TBKBP1: variants seen among roughly 807,000 people sequenced by gnomAD.
The protein encoded by TBKBP1 is TBK1 binding protein 1, also known as TANK-binding kinase 1-binding protein 1.
In TBKBP1, 47 loss-of-function variants were observed where a neutral mutation model predicts 69.9. The ratio of observed to expected loss-of-function variants is 0.67; its 90% CI spans 0.53 to 0.86. The LOEUF is 0.86. Among genes scored for constraint, TBKBP1 ranks in the 40% least tolerant of loss-of-function variants. The pLI is 0.00. For missense variants in TBKBP1, 831 were observed against 858.6 expected (o/e 0.97, Z 0.40); for synonymous variants, 418 against 390.3 (o/e 1.07, Z -0.84).
In TBKBP1 at chr17:47,708,833, TC is replaced by T; in HGVS notation, c.1105del (p.Gln369SerfsTer84). The T allele has an allele frequency of 9.2e-7, 1 of 1,092,118 alleles. No individual in the cohort carries two copies. The highest frequency in any genetic ancestry group is 1.6e-5 in the South Asian group (1 of 62,842). 67.7% of individuals were successfully genotyped at this position (1,092,118 alleles called of 1,614,324 possible). A position where few individuals can be genotyped will look rare whatever the true frequency, so the allele number is the denominator to read the frequency against. On this transcript the variant is annotated frameshift_variant, in exon 9 of 10. Coordinates refer to ENST00000578982, the MANE Select transcript of TBKBP1 (RefSeq NM_001394755.1). LOFTEE classifies it high-confidence loss of function. This position sits in a 1 kb window ranked among gnomAD's most constrained non-coding sequence, Gnocchi z 4.4. ...CCGTGCCCCCCGTGCCAGTCCCCCG[TC>T]CCCCAGCGCCGCTCTCCCGTGCCCC... ...APPCPPCQSP[V>X]PQRRSPVPPC...
At position 47,697,199 on chromosome 17, in the gene TBKBP1, G is replaced by T. The variant is rs2031284481; in HGVS notation, c.453+6G>T. 1.2e-6 allele frequency: 2 copies of T among 1,610,054 alleles called. No homozygotes were observed. Among genetic ancestry groups the T allele is most frequent in the African/African-American group, 1.3e-5 (1 of 74,904 alleles). ...AGACAGAGCTGAGGGAGATGGTGAG[G>T]CCTGGGGAGCCGGAGGTGCTTGAGG... is the stretch of plus-strand genomic sequence containing the variant. On this transcript the variant is annotated splice_donor_region_variant and intron_variant, in intron 4 of 9. Coordinates refer to ENST00000578982, the MANE Select transcript of TBKBP1 (RefSeq NM_001394755.1).
At chr17:47,699,594 A>G (rs1038043670) in intron 6 of TBKBP1, 42 bp from the exon 7 acceptor site, 3 of 1,613,980 alleles carry the variant, frequency 1.9e-6, no homozygotes, top group Non-Finnish European at 2.5e-6. Flanking sequence ...GGGCCCTGGC[A>G]GGGGTGAGCT....
Position 47,696,247 on chromosome 17 carries a change from C to T in TBKBP1, c.135C>T (p.Ile45=), listed in dbSNP as rs773729323. 1 of 1,613,732 alleles carries T rather than the reference C, an allele frequency of 6.2e-7. No individual in the cohort carries two copies. Among genetic ancestry groups the T allele is most frequent in the Non-Finnish European group, 8.5e-7 (1 of 1,179,860 alleles). The change falls in exon 2 of 10, where the codon ATC becomes ATT. Residue 45 remains isoleucine, a synonymous_variant. Coordinates refer to ENST00000578982, the MANE Select transcript of TBKBP1 (RefSeq NM_001394755.1). ...DMCSASHFAL[I]TAYGDIKERL... ...GCTCCGCCTCCCACTTTGCCCTCAT[C>T]ACTGCTTACGGAGACATCAAGGAAC...
intron 4 of TBKBP1, among the ~76,000 whole-genome samples, chr17:47,697,917 C>G (rs1406375331): frequency 6.8e-6 from 1 of 147,572 alleles, no homozygotes; most frequent in Non-Finnish European, 1.5e-5. Context: ...CCACTGCACT[C>G]CAGCCTGGGT....
chr17:47,699,815 G>T, intron 7 of TBKBP1, 118 bp downstream of exon 7: 3 of 1,149,210 alleles, frequency 2.6e-6, no homozygotes, highest in South Asian at 1.4e-5. Context: ...ATAGGAAGGA[G>T]GTGGGGTTCT....
chr17:47,701,474 C>G (rs1353564243), intron 7 of TBKBP1, among the ~76,000 whole-genome samples: 1 of 152,160 alleles, frequency 6.6e-6, no homozygotes, highest in Non-Finnish European at 1.5e-5. Context: ...TCCCCTCTTA[C>G]CAGACCAGCA....
intron 7 of TBKBP1, among the ~76,000 whole-genome samples, chr17:47,701,354 G>GACACACACAC (rs145407261): frequency 2.1e-5 from 3 of 144,048 alleles, no homozygotes; most frequent in South Asian, 2.2e-4. Flanking sequence ...GACACACACA[G>GACACACACAC]ACACACACAC....
rs780415332 is a variant in TBKBP1, at chr17:47,696,796, T to A, written c.311T>A (p.Val104Asp). 1 of 1,613,900 alleles carries A rather than the reference T, an allele frequency of 6.2e-7. No homozygotes were observed. The highest frequency in any genetic ancestry group is 1.7e-5 in the Admixed American group (1 of 60,012). ...GGCTCCCTGCTGGAGGTGGAGAAGG[T>A]CAGCCTGCAGCAACGGCTCAACCAG... ...KDGSLLEVEK[V>D]SLQQRLNQFQ... The change falls in exon 3 of 10, where the codon GTC (valine) becomes GAC (aspartate). Residue 104 changes from valine (V) to aspartate (D), a missense_variant. Physicochemically the swap from Val to Asp is radical, Grantham distance 152. Coordinates refer to ENST00000578982, the MANE Select transcript of TBKBP1 (RefSeq NM_001394755.1).
chr17:47,703,142 CCTTT>C (rs2031573566), intron 7 of TBKBP1, among the ~76,000 whole-genome samples: 2 of 152,166 alleles, frequency 1.3e-5, no homozygotes, highest in African/African-American at 4.8e-5. Flanking sequence ...AAACTATAGG[CCTTT>C]CTTTCTTCCC....
In TBKBP1 at chr17:47,708,773, GC is replaced by G; in HGVS notation, c.1044del (p.Ser349ProfsTer104). ...LSQRHSPAPQ[C>X]PSPSPPARAA... is the part of the protein sequence containing the mutation. ...CAACGCCACTCCCCGGCCCCCCAGTGCCCCTCCCCCTCCCCGCCTGCCCGAG... is the reference window on the plus strand; with the variant it reads ...CAACGCCACTCCCCGGCCCCCCAGTGCCCTCCCCCTCCCCGCCTGCCCGAG... On this transcript the variant is annotated frameshift_variant, in exon 9 of 10. Coordinates refer to ENST00000578982, the MANE Select transcript of TBKBP1 (RefSeq NM_001394755.1). LOFTEE classifies it high-confidence loss of function. The surrounding 1 kb of genome is among the most constrained non-coding windows in gnomAD (Gnocchi z 4.4). 2 of 881,978 alleles carry G rather than the reference GC, an allele frequency of 2.3e-6. No homozygotes were observed. The highest frequency in any genetic ancestry group is 1.6e-6 in the Non-Finnish European group (1 of 612,602). The allele number at this position is 881,978 out of a possible 1,614,324, so 54.6% of individuals were successfully genotyped here. A position where few individuals can be genotyped will look rare whatever the true frequency, so the allele number is the denominator to read the frequency against.
intron 7 of TBKBP1, among the ~76,000 whole-genome samples, chr17:47,703,024 G>C (rs1455149038): frequency 1.3e-5 from 2 of 151,954 alleles, no homozygotes; most frequent in Non-Finnish European, 2.9e-5. Context: ...GGGCTCCGAA[G>C]GGACAGGGGG....
chr17:47,706,231 C>T (rs2031690557), intron 7 of TBKBP1, among the ~76,000 whole-genome samples: 1 of 152,172 alleles, frequency 6.6e-6, no homozygotes, highest in Non-Finnish European at 1.5e-5. Context: ...CTGCCCAGAG[C>T]CCTCTCCTTC....
chr17:47,696,599 G>C (rs2031251986), intron 2 of TBKBP1, 112 bp from the exon 3 acceptor site: 1 of 1,537,396 alleles, frequency 6.5e-7, no homozygotes, highest in African/African-American at 1.4e-5. Context: ...ACTAGCCAAG[G>C]AGAAGGAGGG....
intron 7 of TBKBP1, among the ~76,000 whole-genome samples, chr17:47,703,056 C>T (rs916308339): frequency 6.6e-6 from 1 of 151,314 alleles, no homozygotes; most frequent in Non-Finnish European, 1.5e-5. Flanking sequence ...AATAAGGGCC[C>T]GGTAAGGGAG....
rs2031295043 is a variant in TBKBP1, at chr17:47,697,428, C to T, written c.453+235C>T. ...GTTGCGGTGTCTGTGTGCATCCTGGCCATGCAGTGGCCCCGTGGGAACCTC... is the reference window on the plus strand; with the variant it reads ...GTTGCGGTGTCTGTGTGCATCCTGGTCATGCAGTGGCCCCGTGGGAACCTC... On this transcript the variant is annotated intron_variant, in intron 4 of 9. Coordinates refer to ENST00000578982, the MANE Select transcript of TBKBP1 (RefSeq NM_001394755.1). Among the ~76,000 whole-genome samples, 3 of 152,298 alleles carry T rather than the reference C, an allele frequency of 2.0e-5. No individual in the cohort carries two copies. The South Asian group carries it at 6.2e-4, about 32-fold the overall frequency.
Position 47,709,149 on chromosome 17 carries a change from G to T in TBKBP1, c.1416G>T (p.Ala472=). 1.4e-6 allele frequency: 2 copies of T among 1,404,648 alleles called. No individual in the cohort carries two copies. Among genetic ancestry groups the T allele is most frequent in the South Asian group, 3.0e-5 (2 of 66,364 alleles). 87.0% of individuals were successfully genotyped at this position (1,404,648 alleles called of 1,614,324 possible). A position where few individuals can be genotyped will look rare whatever the true frequency, so the allele number is the denominator to read the frequency against. Residue 472 remains alanine, a synonymous_variant, in exon 9 of 10, where the codon GCG becomes GCT. Coordinates refer to ENST00000578982, the MANE Select transcript of TBKBP1 (RefSeq NM_001394755.1). ...AGCTGGCGGAGGGCGCGGCCTACGCGGGCGCCTCCCCGCCCTGGCTGCAGG... is the reference window on the plus strand; with the variant it reads ...AGCTGGCGGAGGGCGCGGCCTACGCTGGCGCCTCCCCGCCCTGGCTGCAGG... The part of the protein sequence containing the change: ...YSELAEGAAY[A]GASPPWLQAE...
chr17:47,709,951 C>T (rs901205454), intron 9 of TBKBP1, among the ~76,000 whole-genome samples: 2 of 152,222 alleles, frequency 1.3e-5, no homozygotes, highest in African/African-American at 4.8e-5. Flanking sequence ...TAGCAGGCCA[C>T]CAGCCAACAC....
At chr17:47,700,318 G>C (rs11656306) in intron 7 of TBKBP1, among the ~76,000 whole-genome samples, 1 of 82,828 alleles carries the variant, frequency 1.2e-5, no homozygotes, top group East Asian at 3.6e-4. Flanking sequence ...TTTTTTTTTG[G>C]ATTTTTAGTA....
Position 47,708,132 on chromosome 17 carries a change from C to T in TBKBP1, c.873-262C>T, listed in dbSNP as rs576441253. Among the ~76,000 whole-genome samples, 1 of 152,334 alleles carries T rather than the reference C, an allele frequency of 6.6e-6. No individual in the cohort carries two copies. The highest frequency in any genetic ancestry group is 1.9e-4 in the East Asian group (1 of 5,190). ...AGGGAGCCCTTGGAATCTCTCTGCT[C>T]CCTGTCCCTGCACTTAGGCTGGGAA... On this transcript the variant is annotated intron_variant, in intron 7 of 9. Coordinates refer to ENST00000578982, the MANE Select transcript of TBKBP1 (RefSeq NM_001394755.1). The surrounding 1 kb of genome is among the most constrained non-coding windows in gnomAD (Gnocchi z 4.4).
Sources: gnomAD v4.1 joint callset for allele counts (sites outside exome capture counted in the v4.1 genomes callset) on GRCh38, gnomAD v4.1.1 for gene constraint, Gnocchi (gnomAD v3.1) non-coding constraint, MANE v1.5 for transcripts, NCBI Gene and HGNC (gene_info 2026-07-23, HGNC 2026-07-21) for gene names.